RPGRIP1: variants seen among roughly 807,000 people sequenced by gnomAD.
RPGRIP1 encodes X-linked retinitis pigmentosa GTPase regulator-interacting protein 1.
A neutral mutation model predicts 157.9 loss-of-function variants in RPGRIP1; 128 were observed. The observed-to-expected ratio is 0.81, with a 90% CI of 0.70 to 0.94. The LOEUF is 0.94. RPGRIP1 is among the 40% of genes least tolerant of loss of function. RPGRIP1 has a pLI of 0.00. For missense variants in RPGRIP1, 1,486 were observed against 1,545.8 expected, an observed-to-expected ratio of 0.96 and a Z score of 0.65; for synonymous variants, 554 against 571.6, an observed-to-expected ratio of 0.97 and a Z score of 0.44.
intron 10 of RPGRIP1, among the ~76,000 whole-genome samples, chr14:21,313,516 G>A (rs1049727505): frequency 6.6e-6 from 1 of 152,114 alleles, no homozygotes; most frequent in Non-Finnish European, 1.5e-5. Context: ...ATGGCCAGGC[G>A]CGGCGGCTCA....
At chr14:21,293,728 A>C (rs1458755124) in intron 2 of RPGRIP1, among the ~76,000 whole-genome samples, 2 of 152,110 alleles carry the variant, frequency 1.3e-5, no homozygotes, top group Non-Finnish European at 2.9e-5. Context: ...AATACAAAAA[A>C]ATTAGCCAGG....
chr14:21,295,140 G>A (rs927531129), intron 3 of RPGRIP1, among the ~76,000 whole-genome samples: 2 of 151,764 alleles, frequency 1.3e-5, no homozygotes, highest in Non-Finnish European at 1.5e-5. Context: ...CACTCTGCCC[G>A]GCCCAAAAAT....
intron 21 of RPGRIP1, among the ~76,000 whole-genome samples, chr14:21,336,258 G>T (rs918678674): frequency 6.6e-6 from 1 of 152,176 alleles, no homozygotes; most frequent in Non-Finnish European, 1.5e-5. Flanking sequence ...TTTCAGCTGA[G>T]GTGTGGTGGC....
At chr14:21,294,878 T>C in intron 3 of RPGRIP1, 69 bp downstream of exon 3, 3 of 1,288,160 alleles carry the variant, frequency 2.3e-6, no homozygotes, top group Non-Finnish European at 3.0e-6. Flanking sequence ...GGAGCCTTGC[T>C]CTGTTGCCCA....
chr14:21,308,781 G>T (rs187598238), intron 7 of RPGRIP1, among the ~76,000 whole-genome samples: 1 of 152,228 alleles, frequency 6.6e-6, no homozygotes, highest in African/African-American at 2.4e-5. Context: ...AAAAGTGGCT[G>T]CTTATATGAG....
At chr14:21,298,358 G>T (rs1380025658) in intron 3 of RPGRIP1, among the ~76,000 whole-genome samples, 5 of 152,014 alleles carry the variant, frequency 3.3e-5, no homozygotes, top group African/African-American at 1.2e-4. Flanking sequence ...AGATTATCCG[G>T]GCGTGGTGGC....
At position 21,321,901 on chromosome 14, in the gene RPGRIP1, T is replaced by A; in HGVS notation, c.1659T>A (p.Asp553Glu). The change falls in exon 14 of 25, where the codon GAT becomes GAA. Residue 553 changes from aspartate (D) to glutamate (E), a missense_variant. Physicochemically the swap from Asp to Glu is conservative, Grantham distance 45. Coordinates refer to ENST00000400017, the MANE Select transcript of RPGRIP1 (RefSeq NM_020366.4). ...CAAAAGCTGACAATGATAATAGAGA[T>A]CACAAAGAAAAGCTGGAGAGGTTGA... ...MMTKADNDNR[D>E]HKEKLERLTR... The A allele has an allele frequency of 6.2e-7, 1 of 1,613,334 alleles. No individual in the cohort carries two copies. Among genetic ancestry groups the A allele is most frequent in the Non-Finnish European group, 8.5e-7 (1 of 1,179,556 alleles).
At chr14:21,306,982 G>A (rs1045644645) in intron 6 of RPGRIP1, among the ~76,000 whole-genome samples, 1 of 151,742 alleles carries the variant, frequency 6.6e-6, no homozygotes, top group African/African-American at 2.4e-5. Flanking sequence ...CACTATGTTG[G>A]CCAGGATGGT....
At position 21,321,410 on chromosome 14, in the gene RPGRIP1, G is replaced by A; in HGVS notation, c.1611+8G>A. On this transcript the variant is annotated splice_region_variant and intron_variant, in intron 13 of 24. Coordinates refer to ENST00000400017, the MANE Select transcript of RPGRIP1 (RefSeq NM_020366.4). ...ATCAACGTGTGTTATCAGGTGCAAGGAAAGATGGTACAGGAAGGGGATGGA... is the reference window on the plus strand; with the variant it reads ...ATCAACGTGTGTTATCAGGTGCAAGAAAAGATGGTACAGGAAGGGGATGGA... The A allele has an allele frequency of 6.2e-7, 1 of 1,607,930 alleles. No individual in the cohort carries two copies. The highest frequency in any genetic ancestry group is 8.5e-7 in the Non-Finnish European group (1 of 1,177,364).
intron 24 of RPGRIP1, among the ~76,000 whole-genome samples, chr14:21,349,403 T>C (rs554583204): frequency 5.2e-4 from 75 of 142,858 alleles, no homozygotes; most frequent in Non-Finnish European, 6.1e-4. Context: ...TTCTTTCTTT[T>C]TTTTTTTTTT....
intron 3 of RPGRIP1, among the ~76,000 whole-genome samples, chr14:21,297,244 G>A (rs1161795985): frequency 2.0e-5 from 3 of 151,932 alleles, no homozygotes; most frequent in East Asian, 1.9e-4. Flanking sequence ...ACAAGCATGT[G>A]CCACCATGCC....
intron 1 of RPGRIP1, among the ~76,000 whole-genome samples, chr14:21,285,781 T>C (rs1056925221): frequency 6.6e-6 from 1 of 151,896 alleles, no homozygotes; most frequent in African/African-American, 2.4e-5. Flanking sequence ...TAAATTTTAC[T>C]TTAAGTGTAA....
Position 21,322,847 on chromosome 14 carries a change from A to G in RPGRIP1, c.1762+843A>G, listed in dbSNP as rs545030025. On this transcript the variant is annotated intron_variant, in intron 14 of 24. Coordinates refer to ENST00000400017, the MANE Select transcript of RPGRIP1 (RefSeq NM_020366.4). The stretch of plus-strand genomic sequence containing the variant: ...TGGCTGGACACTGAATGCAAGTTTC[A>G]TATTGTGGTGCCTCCTATACTTAGT... Among the ~76,000 whole-genome samples, 208 of 152,286 alleles carry G rather than the reference A, an allele frequency of 1.4e-3. 1 individual carries two copies. The highest frequency in any genetic ancestry group is 6.9e-4 in the Non-Finnish European group (47 of 68,034).
rs368948798 is a variant in RPGRIP1, at chr14:21,303,421, C to A, written c.678C>A (p.Ile226=). ...IGLCMPNSAH[I]MASNTMQVEE... ...TATGCATGCCTAACAGTGCCCACAT[C>A]ATGGCCAGCAATACCATGCAAGTGG... The change falls in exon 6 of 25, where the codon ATC becomes ATA. Residue 226 remains isoleucine, a synonymous_variant. Transcript: ENST00000400017. 5.9e-5 allele frequency: 96 copies of A among 1,613,668 alleles called. No homozygotes were observed. The highest frequency in any genetic ancestry group is 7.6e-5 in the Non-Finnish European group (90 of 1,179,758).
chr14:21,348,236 TATGC>T lies in RPGRIP1; in HGVS notation c.3685_3688del (p.Ala1229IlefsTer15). On this transcript the variant is annotated frameshift_variant, in exon 24 of 25. Transcript: ENST00000400017. LOFTEE classifies it high-confidence loss of function. ...AAAGAAAGAATGTGAAGAAGTGGGA[TATGC>T]ATATCTTCAACTGTGGCAGATCCTG... The T allele has an allele frequency of 6.3e-7, 1 of 1,589,458 alleles. No individual in the cohort carries two copies. Among genetic ancestry groups the T allele is most frequent in the South Asian group, 1.1e-5 (1 of 87,294 alleles).
At chr14:21,299,488 C>T (rs1880935300) in intron 3 of RPGRIP1, among the ~76,000 whole-genome samples, 1 of 151,974 alleles carries the variant, frequency 6.6e-6, no homozygotes. Context: ...CTATTTTACA[C>T]CTTGTTTTCT....
At chr14:21,303,997 A>AAAAAG (rs1555365516) in intron 6 of RPGRIP1, among the ~76,000 whole-genome samples, 10 of 145,650 alleles carry the variant, frequency 6.9e-5, no homozygotes, top group South Asian at 4.4e-4. Context: ...TCAAAAAAAA[A>AAAAAG]AAAAGAAAAG....
At chr14:21,304,393 AAGAAAGAAAGAAAGAAAGAAAG>A (rs1311334317) in intron 6 of RPGRIP1, among the ~76,000 whole-genome samples, 9 of 59,898 alleles carry the variant, frequency 1.5e-4, no homozygotes, top group African/African-American at 4.8e-4. Flanking sequence ...GAGAGAGAGA[AAGAAAGAAAGAAAGAAAGAAAG>A]AAAGAAAGAA....
At chr14:21,317,495 A>C in intron 10 of RPGRIP1, 1 of 1,330,982 alleles carries the variant, frequency 7.5e-7, no homozygotes, top group Non-Finnish European at 1.0e-6. Flanking sequence ...CTAAACAGAA[A>C]TGGTACTGAG....
Sources: allele counts gnomAD v4.1 joint callset (sites outside exome capture counted in the v4.1 genomes callset), GRCh38; gene constraint gnomAD v4.1.1; transcripts MANE v1.5; gene names NCBI Gene and HGNC (gene_info 2026-07-23, HGNC 2026-07-21).